CSMD1: variants seen among roughly 807,000 people sequenced by gnomAD.
CSMD1 encodes CUB and sushi domain-containing protein 1.
In CSMD1, 213 loss-of-function variants were observed where a neutral mutation model predicts 417.5. That is an observed-to-expected ratio of 0.51 (90% CI 0.46 to 0.57). The LOEUF is 0.57. Among genes scored for constraint, CSMD1 ranks in the 20% least tolerant of loss-of-function variants. The pLI is 0.00. For missense variants in CSMD1, 6,923 were observed against 4,529.7 expected (o/e 1.53, Z -15.17); for synonymous variants, 2,862 against 1,736.8 (o/e 1.65, Z -16.11).
intron 5 of CSMD1, among the ~76,000 whole-genome samples, chr8:3,830,457 C>T (rs1464044595): frequency 6.6e-6 from 1 of 152,188 alleles, no homozygotes; most frequent in Non-Finnish European, 1.5e-5. Context: ...GTTTTAACAC[C>T]ATTTCTTTCT....
chr8:3,304,976 T>C (rs1049988854), intron 25 of CSMD1, among the ~76,000 whole-genome samples: 2 of 152,164 alleles, frequency 1.3e-5, no homozygotes, highest in African/African-American at 4.8e-5. Flanking sequence ...ATCAAAGCCA[T>C]TGGAAGTGGT....
At chr8:4,478,837 T>A (rs1800938869) in intron 2 of CSMD1, among the ~76,000 whole-genome samples, 2 of 152,354 alleles carry the variant, frequency 1.3e-5, no homozygotes, top group South Asian at 4.1e-4. Flanking sequence ...TTCATATGCT[T>A]TGACATCCAT....
chr8:4,074,581 A>G (rs1447769806), intron 3 of CSMD1, among the ~76,000 whole-genome samples: 1 of 152,132 alleles, frequency 6.6e-6, no homozygotes, highest in Non-Finnish European at 1.5e-5. Context: ...GACATAAATT[A>G]TTCTACCACA....
chr8:4,032,640 T>C (rs1162492082), intron 3 of CSMD1, among the ~76,000 whole-genome samples: 2 of 152,218 alleles, frequency 1.3e-5, no homozygotes, highest in South Asian at 2.1e-4. Flanking sequence ...ATCTCATGCA[T>C]TGATCCATCA....
intron 3 of CSMD1, among the ~76,000 whole-genome samples, chr8:4,237,617 C>A (rs1300742288): frequency 2.0e-5 from 3 of 151,988 alleles, no homozygotes; most frequent in East Asian, 3.9e-4. Flanking sequence ...TTACTGCAGC[C>A]TCAACCTCCT....
Position 4,284,880 on chromosome 8 carries a change from C to A in CSMD1, c.415+135073G>T, listed in dbSNP as rs1231563397. 2.0e-5 allele frequency among the ~76,000 whole-genome samples: 3 copies of A among 152,200 alleles called. No homozygotes were observed. In the East Asian group the frequency reaches 5.8e-4, roughly 29 times the overall value. Reference sequence around the variant, plus strand: ...AACAAAAAAAAACTAGTTTAAAAAACACTTTTCTGTCTCCTCCTTTCCTGA... The same window carrying A: ...AACAAAAAAAAACTAGTTTAAAAAAAACTTTTCTGTCTCCTCCTTTCCTGA... On this transcript the variant is annotated intron_variant, in intron 3 of 69. Transcript: ENST00000635120.
intron 7 of CSMD1, among the ~76,000 whole-genome samples, chr8:3,627,728 C>A (rs1052388860): frequency 6.6e-6 from 1 of 152,060 alleles, no homozygotes; most frequent in Non-Finnish European, 1.5e-5. Flanking sequence ...GTCACAAAAT[C>A]TTTAGGAGGG....
chr8:2,973,017 T>G, intron 57 of CSMD1, 100 bp downstream of exon 57: 2 of 1,164,262 alleles, frequency 1.7e-6, no homozygotes, highest in South Asian at 1.6e-5. Context: ...GTATAAATAG[T>G]ACAAACCTCT....
chr8:3,831,853 T>G (rs909863393), intron 5 of CSMD1, among the ~76,000 whole-genome samples: 1 of 152,218 alleles, frequency 6.6e-6, no homozygotes, highest in Non-Finnish European at 1.5e-5. Flanking sequence ...CTTGTTCATA[T>G]AACATAGCAT....
chr8:4,370,209 T>C (rs1361131139), intron 3 of CSMD1, among the ~76,000 whole-genome samples: 2 of 151,834 alleles, frequency 1.3e-5, no homozygotes, highest in Admixed American at 6.6e-5. Context: ...TGAAGGTTAG[T>C]TTGGTGAGAT....
intron 4 of CSMD1, among the ~76,000 whole-genome samples, chr8:4,002,979 C>T (rs751043954): frequency 6.6e-6 from 1 of 151,880 alleles, no homozygotes. Flanking sequence ...ATAAGTAAAC[C>T]AATCTACCTG....
intron 1 of CSMD1, among the ~76,000 whole-genome samples, chr8:4,650,347 G>GAAAAAAAAAAAAAA (rs61642390): frequency 1.3e-5 from 1 of 78,254 alleles, no homozygotes; most frequent in Non-Finnish European, 2.6e-5. Context: ...TCCGTCTCAA[G>GAAAAAAAAAAAAAA]AAAAAAAAAA....
At chr8:4,056,519 C>A (rs1485214604) in intron 3 of CSMD1, among the ~76,000 whole-genome samples, 2 of 150,498 alleles carry the variant, frequency 1.3e-5, no homozygotes, top group Non-Finnish European at 2.9e-5. Flanking sequence ...CTAAGGAAAG[C>A]ATTTAATTTC....
rs866464547 is a variant in CSMD1 at position 4,462,954 on chromosome 8, G to A, written c.303-42889C>T. ...CAAAAGCACAAGAAAAGAATTAACT[G>A]GAATTCATCAAAATTTTAAACTTTG... is the stretch of plus-strand genomic sequence containing the variant. On this transcript the variant is annotated intron_variant, in intron 2 of 69. Transcript: ENST00000635120. 5.9e-5 allele frequency among the ~76,000 whole-genome samples: 9 copies of A among 152,098 alleles called. No individual in the cohort carries two copies. In the South Asian group the frequency reaches 1.5e-3, roughly 25 times the overall value.
chr8:3,766,052 C>T (rs567542992), intron 5 of CSMD1, among the ~76,000 whole-genome samples: 1 of 152,252 alleles, frequency 6.6e-6, no homozygotes, highest in South Asian at 2.1e-4. Context: ...GACTACGTGC[C>T]AGGGAATTGC....
rs146156919 is a variant in CSMD1 at position 4,208,280 on chromosome 8, A to C, written c.416-176181T>G. ...CTCGGTCAAATACACAGAGGACAAG[A>C]AACAAGAAGAATTAGAAAAAAAGAC... is the stretch of plus-strand genomic sequence containing the variant. On this transcript the variant is annotated intron_variant, in intron 3 of 69. Transcript: ENST00000635120. Among the ~76,000 whole-genome samples the C allele has an allele frequency of 2.6e-3, 398 of 152,330 alleles. 2 individuals carry two copies. The highest frequency in any genetic ancestry group is 0.01 in the Middle Eastern group (3 of 294).
At chr8:3,763,154 T>A (rs1798101836) in intron 5 of CSMD1, among the ~76,000 whole-genome samples, 1 of 151,970 alleles carries the variant, frequency 6.6e-6, no homozygotes, top group Non-Finnish European at 1.5e-5. Flanking sequence ...GCCAAAGAGG[T>A]CTCTTCACCC....
At chr8:3,308,732 GTTTTT>G (rs5888961) in intron 23 of CSMD1, among the ~76,000 whole-genome samples, 20 of 108,952 alleles carry the variant, frequency 1.8e-4, no homozygotes, top group African/African-American at 2.9e-4. Context: ...CTACTTACAA[GTTTTT>G]TTTTTTTTTT....
chr8:4,155,147 G>C (rs979466079), intron 3 of CSMD1, among the ~76,000 whole-genome samples: 2 of 152,186 alleles, frequency 1.3e-5, no homozygotes, highest in African/African-American at 4.8e-5. Context: ...CTACAGATGA[G>C]ATAAAAGAGG....
Sources: gnomAD v4.1 joint callset for allele counts (sites outside exome capture counted in the v4.1 genomes callset) on GRCh38, gnomAD v4.1.1 for gene constraint, MANE v1.5 for transcripts, NCBI Gene and HGNC (gene_info 2026-07-23, HGNC 2026-07-21) for gene names.